ITSN2: variants seen among roughly 807,000 people sequenced by gnomAD.
ITSN2 encodes the protein intersectin 2.
In ITSN2, 156 loss-of-function variants were observed where a neutral mutation model predicts 243.7. The ratio of observed to expected loss-of-function variants is 0.64; its 90% CI spans 0.56 to 0.73. The LOEUF is 0.73. Among genes scored for constraint, ITSN2 ranks in the 30% least tolerant of loss-of-function variants. ITSN2 has a pLI of 0.00. For synonymous variants in ITSN2, 703 were observed against 699.9 expected, an observed-to-expected ratio of 1.00 and a Z score of -0.07; for missense variants, 1,801 against 1,996.1, an observed-to-expected ratio of 0.90 and a Z score of 1.86.
At chr2:24,266,853 C>T (rs1041414537) in intron 20 of ITSN2, among the ~76,000 whole-genome samples, 40 of 151,562 alleles carry the variant, frequency 2.6e-4, no homozygotes, top group African/African-American at 8.2e-4. Flanking sequence ...GGGAGGATGG[C>T]GTGAGCTCGG....
At chr2:24,338,764 G>T (rs1686728164) in intron 1 of ITSN2, among the ~76,000 whole-genome samples, 1 of 152,062 alleles carries the variant, frequency 6.6e-6, no homozygotes, top group Non-Finnish European at 1.5e-5. Flanking sequence ...GACTAAGGCA[G>T]GAGGATTGAT....
chr2:24,245,663 G>A (rs964581672), intron 29 of ITSN2, among the ~76,000 whole-genome samples: 13 of 152,026 alleles, frequency 8.6e-5, no homozygotes, highest in African/African-American at 2.2e-4. Context: ...ATTTTTTGTC[G>A]AGATGGGGTT....
Position 24,338,721 on chromosome 2 carries a change from G to A in ITSN2, c.-33-10606C>T, listed in dbSNP as rs1254492432. Among the ~76,000 whole-genome samples, 4 of 152,122 alleles carry A rather than the reference G, an allele frequency of 2.6e-5. No individual in the cohort carries two copies. In the East Asian group the frequency reaches 7.7e-4, roughly 29 times the overall value. On this transcript the variant is annotated intron_variant, in intron 1 of 39. Transcript: ENST00000355123. Reference sequence around the variant, plus strand: ...TAATAAAGGGACTTGGCCAGGTGCAGTGGCTCACACCTGTAATCCCAACAA... The same window carrying A: ...TAATAAAGGGACTTGGCCAGGTGCAATGGCTCACACCTGTAATCCCAACAA...
chr2:24,236,425 G>A (rs989578302), intron 29 of ITSN2, among the ~76,000 whole-genome samples: 1 of 152,190 alleles, frequency 6.6e-6, no homozygotes, highest in African/African-American at 2.4e-5. Flanking sequence ...ATAAGTGACT[G>A]TGGAAATGGT....
At chr2:24,354,276 C>T (rs1368403543) in intron 1 of ITSN2, among the ~76,000 whole-genome samples, 1 of 152,154 alleles carries the variant, frequency 6.6e-6, no homozygotes, top group East Asian at 1.9e-4. Context: ...TTTCATAGGC[C>T]CCTTGAGAAT....
intron 2 of ITSN2, among the ~76,000 whole-genome samples, chr2:24,324,739 G>A (rs976499454): frequency 2.0e-5 from 3 of 150,644 alleles, no homozygotes; most frequent in Non-Finnish European, 4.4e-5. Context: ...TGTAGTCCCA[G>A]TTACTCTGGA....
intron 29 of ITSN2, among the ~76,000 whole-genome samples, chr2:24,242,706 G>A (rs932644610): frequency 6.6e-6 from 1 of 152,034 alleles, no homozygotes; most frequent in Non-Finnish European, 1.5e-5. Context: ...AATTTAAACA[G>A]TTGTTTTATA....
chr2:24,321,899 T>C (rs868801196), intron 2 of ITSN2: 5 of 152,184 alleles, frequency 3.3e-5, no homozygotes, highest in African/African-American at 1.2e-4. Flanking sequence ...TAAAGTACTA[T>C]TATTATTCTC....
intron 18 of ITSN2, chr2:24,273,603 C>T (rs1000424944): frequency 3.3e-5 from 5 of 152,126 alleles, no homozygotes; most frequent in Non-Finnish European, 7.3e-5. Flanking sequence ...GCCAGGTAAT[C>T]ATGGCCACAT....
chr2:24,356,850 T>C (rs754438584), intron 1 of ITSN2, among the ~76,000 whole-genome samples: 1 of 151,166 alleles, frequency 6.6e-6, no homozygotes, highest in East Asian at 1.9e-4. Context: ...TTGCAGTGAG[T>C]TGGGATCGCG....
At chr2:24,360,805 G>A (rs1415151184), upstream of ITSN2, 2 of 152,660 alleles carry the variant, frequency 1.3e-5, no homozygotes, top group African/African-American at 2.4e-5. Flanking sequence ...TCCTCCCCGA[G>A]GTAACATGCT....
intron 8 of ITSN2, among the ~76,000 whole-genome samples, chr2:24,305,871 G>A (rs1682467803): frequency 6.6e-6 from 1 of 152,156 alleles, no homozygotes; most frequent in South Asian, 2.1e-4. Flanking sequence ...CTTCCCCACA[G>A]TTGGCTCCCC....
At chr2:24,206,245 T>G (rs1174574686) in intron 37 of ITSN2, 2 of 428,860 alleles carry the variant, frequency 4.7e-6, no homozygotes, top group African/African-American at 4.2e-5. Flanking sequence ...TAAACATACC[T>G]TTTAGGAGTA....
chr2:24,317,353 C>T (rs1460691213), intron 2 of ITSN2, among the ~76,000 whole-genome samples: 1 of 151,210 alleles, frequency 6.6e-6, no homozygotes, highest in Non-Finnish European at 1.5e-5. Context: ...CATAGCACTC[C>T]AGCCTGCGCC....
rs765602604 is a variant in ITSN2, at chr2:24,302,113, T to C, written c.858-11A>G. 9 of 1,588,566 alleles carry C rather than the reference T, an allele frequency of 5.7e-6. No individual in the cohort carries two copies. Among genetic ancestry groups the C allele is most frequent in the Non-Finnish European group, 6.9e-6 (8 of 1,167,088 alleles). ...ACGTCAGCCAGAGTCCTAAAGAAAATGTTAAAATTCACAACTTAATAAAGT... is the reference window on the plus strand; with the variant it reads ...ACGTCAGCCAGAGTCCTAAAGAAAACGTTAAAATTCACAACTTAATAAAGT... On this transcript the variant is annotated splice_polypyrimidine_tract_variant and intron_variant, in intron 9 of 39. Coordinates refer to ENST00000355123, the MANE Select transcript of ITSN2 (RefSeq NM_006277.3).
rs190166821 is a variant in ITSN2 at position 24,273,379 on chromosome 2, C to T, written c.2082-1438G>A. Among the ~76,000 whole-genome samples the T allele has an allele frequency of 2.0e-3, 299 of 152,320 alleles. 3 individuals are homozygous for T. Among genetic ancestry groups the T allele is most frequent in the African/African-American group, 6.5e-3 (270 of 41,582 alleles). ...GTCCTCACTTAATTTCAACTAATATCCCCTTTCTCAGTTCCTCTGTAACTT... is the reference window on the plus strand; with the variant it reads ...GTCCTCACTTAATTTCAACTAATATTCCCTTTCTCAGTTCCTCTGTAACTT... On this transcript the variant is annotated intron_variant, in intron 18 of 39. Coordinates refer to ENST00000355123, the MANE Select transcript of ITSN2 (RefSeq NM_006277.3).
intron 1 of ITSN2, among the ~76,000 whole-genome samples, chr2:24,329,362 C>G (rs573406255): frequency 2.0e-5 from 3 of 152,172 alleles, no homozygotes; most frequent in African/African-American, 7.2e-5. Context: ...CGGGTTCAAG[C>G]GATTCTCCAG....
intron 36 of ITSN2, among the ~76,000 whole-genome samples, 155 bp downstream of exon 36, chr2:24,208,945 C>T (rs1349605782): frequency 3.3e-5 from 5 of 152,134 alleles, no homozygotes; most frequent in African/African-American, 1.2e-4. Flanking sequence ...TGACCAAGGC[C>T]TACCATGGGA....
intron 31 of ITSN2, among the ~76,000 whole-genome samples, chr2:24,217,661 A>G (rs1670093820): frequency 6.6e-6 from 1 of 152,202 alleles, no homozygotes; most frequent in South Asian, 2.1e-4. Context: ...TCATAGATTG[A>G]TATGTTGTTT....
Sources: gnomAD v4.1 joint callset for allele counts (sites outside exome capture counted in the v4.1 genomes callset) on GRCh38, gnomAD v4.1.1 for gene constraint, MANE v1.5 for transcripts, NCBI Gene and HGNC (gene_info 2026-07-23, HGNC 2026-07-21) for gene names.